NXPE3: variants seen among roughly 807,000 people sequenced by gnomAD.
NXPE3 encodes the protein neurexophilin and PC-esterase domain family member 3, also known as NXPE family member 3.
In NXPE3, 26 loss-of-function variants were observed where a neutral mutation model predicts 46.1. The ratio of observed to expected loss-of-function variants is 0.56; its 90% CI spans 0.41 to 0.78. The LOEUF is 0.78. Among genes scored for constraint, NXPE3 ranks in the 30% least tolerant of loss-of-function variants. The pLI is 0.00. For missense variants in NXPE3, 620 were observed against 686.0 expected (o/e 0.90, Z 1.07); for synonymous variants, 272 against 257.9 (o/e 1.05, Z -0.52).
Position 101,821,891 on chromosome 3 carries a change from T to G in NXPE3, c.1617T>G (p.Asp539Glu). The G allele has an allele frequency of 1.2e-6, 2 of 1,614,132 alleles. No homozygotes were observed. Among genetic ancestry groups the G allele is most frequent in the Non-Finnish European group, 1.7e-6 (2 of 1,180,022 alleles). The change falls in exon 8 of 8, where the codon GAT becomes GAG. Residue 539 changes from aspartate (D) to glutamate (E), a missense_variant. Coordinates refer to ENST00000273347, the MANE Select transcript of NXPE3 (RefSeq NM_145037.4). ...ATCTACCGCACAAGCTGCATCCAGA[T>G]GAAGTTATTGTGAAGAACCAGCTGG... ...AHYLPHKLHP[D>E]EVIVKNQLDM...
chr3:101,817,370 C>T (rs959773055), intron 7 of NXPE3, among the ~76,000 whole-genome samples: 2 of 152,190 alleles, frequency 1.3e-5, no homozygotes, highest in Non-Finnish European at 2.9e-5. Flanking sequence ...TGGGCATTTC[C>T]AGTTGTTTCT....
At chr3:101,800,675 A>G (rs1576752135) in intron 4 of NXPE3, among the ~76,000 whole-genome samples, 1 of 149,444 alleles carries the variant, frequency 6.7e-6, no homozygotes, top group African/African-American at 2.5e-5. Flanking sequence ...TTTGATACTC[A>G]TTGGTTAGGT....
intron 6 of NXPE3, among the ~76,000 whole-genome samples, chr3:101,814,779 A>T (rs964616083): frequency 1.3e-5 from 2 of 152,120 alleles, no homozygotes; most frequent in African/African-American, 4.8e-5. Flanking sequence ...ATGAATAAAT[A>T]TATACCTTCA....
chr3:101,820,991 C>T (rs929378169), intron 7 of NXPE3, among the ~76,000 whole-genome samples: 3 of 152,084 alleles, frequency 2.0e-5, no homozygotes, highest in Admixed American at 6.6e-5. Context: ...CCTTTACGTG[C>T]ACTCCCAAAC....
chr3:101,782,871 C>T (rs1939909591), intron 3 of NXPE3, 91 bp downstream of exon 3: 2 of 152,154 alleles, frequency 1.3e-5, no homozygotes, highest in Non-Finnish European at 2.9e-5. Flanking sequence ...TAGTCTCAAA[C>T]TCCTGGTCTC....
Position 101,801,895 on chromosome 3 carries a change from C to T in NXPE3, c.754C>T (p.Pro252Ser). 1.9e-6 allele frequency: 3 copies of T among 1,614,146 alleles called. No individual in the cohort carries two copies. Among genetic ancestry groups the T allele is most frequent in the Non-Finnish European group, 2.5e-6 (3 of 1,180,006 alleles). ...YTGEPWFCFK[P>S]KKLPCSSRIT... ...TGGGGAGCCCTGGTTCTGCTTCAAA[C>T]CAAAGAAGCTCCCTTGCAGCAGCAG... The change falls in exon 5 of 8, where the codon CCA becomes TCA. Residue 252 changes from proline (P) to serine (S), a missense_variant. Pro to Ser is a moderately conservative substitution (Grantham distance 74). Transcript: ENST00000273347.
intron 6 of NXPE3, among the ~76,000 whole-genome samples, chr3:101,807,784 A>G (rs545870477): frequency 3.3e-5 from 5 of 152,228 alleles, no homozygotes; most frequent in African/African-American, 9.6e-5. Flanking sequence ...AAATCTAGTT[A>G]TTTAATCACA....
rs1941149146 is a variant in NXPE3, at chr3:101,801,565, GACT to G, written c.427_429del (p.Tyr143del). ...AAGAAAGCCCAAGAAGTATGGTGGA[GACT>G]ACCTGCAGGCCAGAATTCACTCCCT... On this transcript the variant is annotated inframe_deletion, in exon 5 of 8. Transcript: ENST00000273347. 1 of 1,614,224 alleles carries G rather than the reference GACT, an allele frequency of 6.2e-7. No homozygotes were observed. The highest frequency in any genetic ancestry group is 1.3e-5 in the African/African-American group (1 of 75,056).
chr3:101,781,111 T>C (rs968888860), intron 1 of NXPE3, among the ~76,000 whole-genome samples: 2 of 152,222 alleles, frequency 1.3e-5, no homozygotes, highest in Admixed American at 6.5e-5. Flanking sequence ...ATATTTTCCA[T>C]GTAAATCTGT....
chr3:101,797,390 G>C (rs1940890974), intron 4 of NXPE3, among the ~76,000 whole-genome samples: 1 of 148,428 alleles, frequency 6.7e-6, no homozygotes, highest in Non-Finnish European at 1.5e-5. Context: ...ACATGGCCTT[G>C]AGCAAATTAT....
chr3:101,816,721 T>A, intron 6 of NXPE3, 74 bp from the exon 7 acceptor site: 1 of 1,174,866 alleles, frequency 8.5e-7, no homozygotes, highest in Non-Finnish European at 1.2e-6. Flanking sequence ...ATGGGCATAA[T>A]TGTTTCTTGG....
intron 4 of NXPE3, among the ~76,000 whole-genome samples, chr3:101,788,996 G>T (rs1055049002): frequency 1.3e-5 from 2 of 152,138 alleles, no homozygotes; most frequent in African/African-American, 4.8e-5. Flanking sequence ...CTGTAGAATT[G>T]TGTTTATCTT....
chr3:101,815,764 C>T (rs1010155014), intron 6 of NXPE3, among the ~76,000 whole-genome samples: 6 of 152,052 alleles, frequency 3.9e-5, no homozygotes, highest in South Asian at 2.1e-4. Flanking sequence ...TTTGGGAGGC[C>T]GAGGTGGGTG....
At chr3:101,807,445 G>A (rs1005165079) in intron 6 of NXPE3, among the ~76,000 whole-genome samples, 8 of 151,624 alleles carry the variant, frequency 5.3e-5, no homozygotes, top group African/African-American at 9.7e-5. Flanking sequence ...TCAGCCTCCC[G>A]AGTAGCTGGG....
rs1942336648 is a variant in NXPE3 at position 101,823,232 on chromosome 3, A to AATAT, written c.*1282_*1285dup. The AATAT allele has an allele frequency of 6.6e-6, 1 of 152,108 alleles. No individual in the cohort carries two copies. The highest frequency in any genetic ancestry group is 2.4e-5 in the African/African-American group (1 of 41,402). The allele number at this position is 152,108 out of a possible 1,614,324, so 9.4% of individuals were successfully genotyped here. A position where few individuals can be genotyped will look rare whatever the true frequency, so the allele number is the denominator to read the frequency against. On this transcript the variant is annotated 3_prime_UTR_variant, in exon 8 of 8. Coordinates refer to ENST00000273347, the MANE Select transcript of NXPE3 (RefSeq NM_145037.4). Reference sequence around the variant, plus strand: ...GAAGACAGATGCTTGAAGTATGAACAATATATACCCTTAGAAGAATGGGTC... The same window carrying AATAT: ...GAAGACAGATGCTTGAAGTATGAACAATATATATATACCCTTAGAAGAATGGGTC...
chr3:101,821,574 G>A lies in NXPE3; in HGVS notation c.1300G>A (p.Gly434Arg). Residue 434 changes from glycine (G) to arginine (R), a missense_variant, in exon 8 of 8, where the codon GGA becomes AGA. Gly to Arg is a moderately radical substitution (Grantham distance 125, BLOSUM62 -2). Around this residue, in one of 3 missense-constraint regions of NXPE3, gnomAD observed 511 missense variants for 528.6 expected, o/e 0.97. Transcript: ENST00000273347. ...GGCGAATGAGCTGAATGGCATTGTG[G>A]GAGGGAAGAACACAGTGGTTGCCAT... ...YVANELNGIV[G>R]GKNTVVAIAV... 6.2e-7 allele frequency: 1 copy of A among 1,614,182 alleles called. No homozygotes were observed. Among genetic ancestry groups the A allele is most frequent in the East Asian group, 2.2e-5 (1 of 44,882 alleles).
At chr3:101,813,604 C>T (rs34743741) in intron 6 of NXPE3, among the ~76,000 whole-genome samples, 47,012 of 152,032 alleles carry the variant, frequency 0.31, 7,460 homozygotes, top group Non-Finnish European at 0.34. Context: ...AAAAATATCC[C>T]TTCTGGTTTT....
In NXPE3 at chr3:101,825,543, A is replaced by G. The variant is rs998586339; in HGVS notation, c.*3589A>G. 6.6e-6 allele frequency: 1 copy of G among 152,230 alleles called. No homozygotes were observed. Among genetic ancestry groups the G allele is most frequent in the African/African-American group, 2.4e-5 (1 of 41,468 alleles). The allele number at this position is 152,230 out of a possible 1,614,324, so 9.4% of individuals were successfully genotyped here. A position where few individuals can be genotyped will look rare whatever the true frequency, so the allele number is the denominator to read the frequency against. ...ATCCATAATTCTATCATCTGAATGC[A>G]ATGAACATTAGCATTTAGGTATATT... On this transcript the variant is annotated 3_prime_UTR_variant, in exon 8 of 8. Coordinates refer to ENST00000273347, the MANE Select transcript of NXPE3 (RefSeq NM_145037.4).
At chr3:101,818,140 G>A (rs1560066572) in intron 7 of NXPE3, among the ~76,000 whole-genome samples, 1 of 152,054 alleles carries the variant, frequency 6.6e-6, no homozygotes, top group African/African-American at 2.4e-5. Context: ...CAGTCCGCCC[G>A]CCTCAACCTC....
Sources: gnomAD v4.1 joint callset for allele counts (sites outside exome capture counted in the v4.1 genomes callset) on GRCh38, gnomAD v4.1.1 for gene constraint, gnomAD v4.1.1 regional missense constraint, MANE v1.5 for transcripts, NCBI Gene and HGNC (gene_info 2026-07-23, HGNC 2026-07-21) for gene names.